BAZ2B: variants seen among roughly 807,000 people sequenced by gnomAD.
BAZ2B encodes bromodomain adjacent to zinc finger domain 2B, also known as bromodomain adjacent to zinc finger domain protein 2B.
Under a neutral mutation model 246.0 loss-of-function variants are expected in BAZ2B, and 91 were observed. The ratio of observed to expected loss-of-function variants is 0.37; its 90% confidence interval spans 0.31 to 0.44. The LOEUF (loss-of-function observed/expected upper bound fraction) is 0.44, where lower values mean the gene tolerates loss of function less well. Ranked by LOEUF, BAZ2B falls within the 20% of genes least tolerant of loss-of-function variation. BAZ2B has a pLI of 1.00. For synonymous variants in BAZ2B, 855 were observed against 860.0 expected (o/e 0.99, Z 0.10); for missense variants, 2,332 against 2,533.7 (o/e 0.92, Z 1.71).
intron 1 of BAZ2B, among the ~76,000 whole-genome samples, chr2:159,556,935 T>C (rs1450776725): frequency 6.6e-6 from 1 of 152,200 alleles, no homozygotes; most frequent in Non-Finnish European, 1.5e-5. Flanking sequence ...TTCCTTATTA[T>C]AGACTCCAGG....
At chr2:159,456,713 T>C (rs181860068) in intron 3 of BAZ2B, among the ~76,000 whole-genome samples, 1 of 152,278 alleles carries the variant, frequency 6.6e-6, no homozygotes, top group African/African-American at 2.4e-5. Flanking sequence ...TTGGTTAAAA[T>C]AGTTAAAGCA....
At chr2:159,377,611 G>A (rs939976248) in intron 25 of BAZ2B, among the ~76,000 whole-genome samples, 11 of 151,890 alleles carry the variant, frequency 7.2e-5, no homozygotes, top group African/African-American at 1.9e-4. Context: ...TCAAGAGATC[G>A]AGACCAGCCT....
At chr2:159,425,785 C>T (rs1167013768) in intron 13 of BAZ2B, among the ~76,000 whole-genome samples, 1 of 152,152 alleles carries the variant, frequency 6.6e-6, no homozygotes. Flanking sequence ...AATTATTTCA[C>T]ATCATAATTA....
chr2:159,379,833 T>A (rs980671333), intron 25 of BAZ2B, among the ~76,000 whole-genome samples: 1 of 152,162 alleles, frequency 6.6e-6, no homozygotes, highest in African/African-American at 2.4e-5. Context: ...CTTTCTAGAC[T>A]TCCTTAGCTA....
chr2:159,372,412 G>C (rs965151710), intron 27 of BAZ2B, among the ~76,000 whole-genome samples: 2 of 152,170 alleles, frequency 1.3e-5, no homozygotes, highest in Admixed American at 6.5e-5. Context: ...AAAATGTCCA[G>C]ACATGGAGCT....
chr2:159,660,056 C>T, the BAZ2B span, among the ~76,000 whole-genome samples: 1 of 152,084 alleles, frequency 6.6e-6, no homozygotes, highest in Admixed American at 6.6e-5. Flanking sequence ...TTTCCATTTC[C>T]AGAACTTTTT....
chr2:159,484,218 C>G (rs1029599408), intron 2 of BAZ2B, among the ~76,000 whole-genome samples: 2 of 151,988 alleles, frequency 1.3e-5, no homozygotes, highest in African/African-American at 4.8e-5. Context: ...TCTAAAATAT[C>G]AAAAAGGGTA....
At chr2:159,650,564 T>C in the BAZ2B span, among the ~76,000 whole-genome samples, 2 of 152,170 alleles carry the variant, frequency 1.3e-5, no homozygotes, top group African/African-American at 2.4e-5. Flanking sequence ...CTTCTAAACC[T>C]TTTCAGTGGT....
chr2:159,638,528 T>A, the BAZ2B span, among the ~76,000 whole-genome samples: 2 of 152,186 alleles, frequency 1.3e-5, no homozygotes, highest in Non-Finnish European at 2.9e-5. Flanking sequence ...CAGAATTCTA[T>A]CAGGTAAGTT....
the BAZ2B span, among the ~76,000 whole-genome samples, chr2:159,656,518 C>T: frequency 5.3e-5 from 8 of 152,152 alleles, no homozygotes; most frequent in East Asian, 3.8e-4. Flanking sequence ...AACCCCTTGA[C>T]GACCACTGCT....
chr2:159,532,272 C>T (rs1286599616), intron 2 of BAZ2B, among the ~76,000 whole-genome samples: 1 of 152,024 alleles, frequency 6.6e-6, no homozygotes, highest in East Asian at 1.9e-4. Flanking sequence ...TTGTAGAATG[C>T]TAACTACCAA....
intron 2 of BAZ2B, among the ~76,000 whole-genome samples, chr2:159,543,118 G>C (rs796156541): frequency 3.4e-4 from 52 of 152,142 alleles, no homozygotes; most frequent in African/African-American, 1.2e-3. Flanking sequence ...AGGGTGCCTG[G>C]CACATATTAA....
chr2:159,527,134 C>G (rs930818590), intron 2 of BAZ2B, among the ~76,000 whole-genome samples: 4 of 151,898 alleles, frequency 2.6e-5, no homozygotes, highest in South Asian at 4.2e-4. Flanking sequence ...GTCTTAAACT[C>G]CTGGGTTCAA....
At chr2:159,478,904 G>A (rs1247151761) in intron 2 of BAZ2B, among the ~76,000 whole-genome samples, 183 bp from the exon 3 acceptor site, 1 of 152,074 alleles carries the variant, frequency 6.6e-6, no homozygotes, top group African/African-American at 2.4e-5. Context: ...TATGGAATAA[G>A]TTTAAGTATA....
downstream of BAZ2B, among the ~76,000 whole-genome samples, chr2:159,316,155 C>A (rs2062089299): frequency 6.6e-6 from 1 of 151,748 alleles, no homozygotes; most frequent in Non-Finnish European, 1.5e-5. Flanking sequence ...TGGAGATGAA[C>A]TGAAGAATAA....
At chr2:159,318,573 G>A (rs1005722700), downstream of BAZ2B, among the ~76,000 whole-genome samples, 26 of 152,176 alleles carry the variant, frequency 1.7e-4, no homozygotes, top group African/African-American at 5.6e-4. Flanking sequence ...GGAGTCTGGC[G>A]GAGCCCAGCA....
the BAZ2B span, among the ~76,000 whole-genome samples, chr2:159,703,873 AT>A: frequency 1.3e-5 from 2 of 151,960 alleles, no homozygotes; most frequent in East Asian, 1.9e-4. Flanking sequence ...TCAAAAAAAA[AT>A]TTTTTTTTGA....
the BAZ2B span, among the ~76,000 whole-genome samples, chr2:159,680,743 C>T: frequency 6.6e-6 from 1 of 152,078 alleles, no homozygotes; most frequent in East Asian, 1.9e-4. Context: ...ATTCCTTATC[C>T]TTATTCCTGT....
rs1311482969 is a variant in BAZ2B, at chr2:159,404,915, A to G, written c.2771-5T>C. 6.2e-7 allele frequency: 1 copy of G among 1,613,540 alleles called. No individual in the cohort carries two copies. Among genetic ancestry groups the G allele is most frequent in the Non-Finnish European group, 8.5e-7 (1 of 1,179,922 alleles). The stretch of plus-strand genomic sequence containing the variant: ...TCTCCTCAGCAGCCATTATTGCTAC[A>G]AGAAACCAAAGGATAGATATCATCA... On this transcript the variant is annotated splice_region_variant and splice_polypyrimidine_tract_variant and intron_variant, in intron 15 of 36. Coordinates refer to ENST00000392783, the MANE Select transcript of BAZ2B (RefSeq NM_013450.4).
Sources: gnomAD v4.1 joint callset for allele counts (sites outside exome capture counted in the v4.1 genomes callset) on GRCh38, gnomAD v4.1.1 for gene constraint, MANE v1.5 for transcripts, NCBI Gene and HGNC (gene_info 2026-07-23, HGNC 2026-07-21) for gene names.